RAB2A: variants seen among roughly 807,000 people sequenced by gnomAD.
The protein encoded by RAB2A is ras-related protein Rab-2A.
In RAB2A, 7 loss-of-function variants were observed where a neutral mutation model predicts 32.5. The ratio of observed to expected loss-of-function variants is 0.22; its 90% CI spans 0.12 to 0.40. RAB2A has a LOEUF of 0.40. Among genes scored for constraint, RAB2A ranks in the 10% least tolerant of loss-of-function variants. The pLI is 1.00. For synonymous variants in RAB2A, 79 were observed against 85.2 expected, an observed-to-expected ratio of 0.93 and a Z score of 0.40; for missense variants, 108 against 260.7, an observed-to-expected ratio of 0.41 and a Z score of 4.03.
At chr8:60,549,363 T>C (rs1292300568) in intron 1 of RAB2A, among the ~76,000 whole-genome samples, 1 of 152,000 alleles carries the variant, frequency 6.6e-6, no homozygotes, top group Non-Finnish European at 1.5e-5. Flanking sequence ...GAGCACTGAG[T>C]GAACGAGACT....
rs774954542 is a variant in RAB2A at position 60,623,492 on chromosome 8, C to A, written c.*2723C>A. 15 of 152,112 alleles carry A rather than the reference C, an allele frequency of 9.9e-5. No individual in the cohort carries two copies. The highest frequency in any genetic ancestry group is 1.9e-4 in the Non-Finnish European group (13 of 68,028). 9.4% of individuals were successfully genotyped at this position (152,112 alleles called of 1,614,324 possible). ...GTTTGACTATATGAGCTAAAAGATA[C>A]ACAAAGAGATAACGCTGTTTCATAA... On this transcript the variant is annotated 3_prime_UTR_variant, in exon 8 of 8. Transcript: ENST00000262646.
intron 6 of RAB2A, among the ~76,000 whole-genome samples, chr8:60,601,338 TTTTC>T (rs1289816878): frequency 6.6e-6 from 1 of 152,162 alleles, no homozygotes; most frequent in Non-Finnish European, 1.5e-5. Context: ...ATAGACTTTA[TTTTC>T]TTTCTTTTTT....
chr8:60,614,891 T>A (rs1804423678), intron 6 of RAB2A, among the ~76,000 whole-genome samples: 1 of 152,136 alleles, frequency 6.6e-6, no homozygotes, highest in Admixed American at 6.6e-5. Flanking sequence ...GAGGCAGGCT[T>A]CTTTTACTGC....
At chr8:60,612,624 A>G (rs1804370756) in intron 6 of RAB2A, among the ~76,000 whole-genome samples, 2 of 152,244 alleles carry the variant, frequency 1.3e-5, no homozygotes, top group African/African-American at 4.8e-5. Flanking sequence ...TGAGAAGACT[A>G]TTAGATTCTA....
intron 3 of RAB2A, among the ~76,000 whole-genome samples, chr8:60,574,737 C>T (rs1041579636): frequency 1.3e-5 from 2 of 151,836 alleles, no homozygotes; most frequent in African/African-American, 4.8e-5. Context: ...TTTGTTTTTG[C>T]TTGAGTTGAT....
At chr8:60,590,481 T>TAA (rs1372926801) in intron 5 of RAB2A, among the ~76,000 whole-genome samples, 1 of 130,266 alleles carries the variant, frequency 7.7e-6, no homozygotes, top group Non-Finnish European at 1.7e-5. Flanking sequence ...CTGAAAAAAT[T>TAA]AAAAAAAAAA....
intron 1 of RAB2A, among the ~76,000 whole-genome samples, chr8:60,536,210 A>G (rs1807554260): frequency 6.6e-6 from 1 of 152,208 alleles, no homozygotes; most frequent in Admixed American, 6.5e-5. Context: ...GCTAACCAAC[A>G]TTAATTGTGT....
chr8:60,597,039 A>C (rs941191494), intron 6 of RAB2A, among the ~76,000 whole-genome samples: 3 of 152,212 alleles, frequency 2.0e-5, no homozygotes, highest in Admixed American at 1.3e-4. Context: ...CAGTGTGGCA[A>C]TTCCTCAAGG....
At chr8:60,520,083 T>G (rs908901243) in intron 1 of RAB2A, among the ~76,000 whole-genome samples, 4 of 152,226 alleles carry the variant, frequency 2.6e-5, no homozygotes, top group Non-Finnish European at 5.9e-5. Flanking sequence ...TTTCCCTGTT[T>G]CCGTAACCTA....
At chr8:60,614,965 C>A (rs1484852909) in intron 6 of RAB2A, among the ~76,000 whole-genome samples, 1 of 152,218 alleles carries the variant, frequency 6.6e-6, no homozygotes, top group African/African-American at 2.4e-5. Context: ...GCAGAGAAAT[C>A]TGTTTATACT....
In RAB2A at chr8:60,623,162, C is replaced by T. The variant is rs1804556269; in HGVS notation, c.*2393C>T. 6.6e-6 allele frequency: 1 copy of T among 152,122 alleles called. No homozygotes were observed. Among genetic ancestry groups the T allele is most frequent in the South Asian group, 2.1e-4 (1 of 4,826 alleles). 9.4% of individuals were successfully genotyped at this position (152,122 alleles called of 1,614,324 possible). A position where few individuals can be genotyped will look rare whatever the true frequency, so the allele number is the denominator to read the frequency against. ...TACCATTCGTCTTGCAAATTTAAGA[C>T]AACTGAATGAAAAGCCAATTTTTTG... On this transcript the variant is annotated 3_prime_UTR_variant, in exon 8 of 8. Transcript: ENST00000262646.
chr8:60,608,488 C>T (rs1024826633), intron 6 of RAB2A, among the ~76,000 whole-genome samples: 1 of 72,210 alleles, frequency 1.4e-5, no homozygotes, highest in African/African-American at 9.1e-5. Context: ...TCTCCCTCTT[C>T]CTCTCCTTCT....
At chr8:60,558,755 C>T in intron 1 of RAB2A, 97 bp from the exon 2 acceptor site, 1 of 964,886 alleles carries the variant, frequency 1.0e-6, no homozygotes, top group Non-Finnish European at 1.7e-6. Flanking sequence ...ATTCACAGTG[C>T]ACCAGAAACC....
chr8:60,516,952 C>A, upstream of RAB2A: 1 of 380,220 alleles, frequency 2.6e-6, no homozygotes, highest in Non-Finnish European at 4.7e-6. Flanking sequence ...TCCGGGTCGG[C>A]GCGGAGGCGG....
intron 1 of RAB2A, among the ~76,000 whole-genome samples, chr8:60,530,912 G>C (rs1807467792): frequency 6.6e-6 from 1 of 152,118 alleles, no homozygotes; most frequent in Admixed American, 6.5e-5. Context: ...GGCCAGTAGA[G>C]AGATTACTGA....
At chr8:60,610,617 A>G (rs749420112) in intron 6 of RAB2A, among the ~76,000 whole-genome samples, 1 of 152,156 alleles carries the variant, frequency 6.6e-6, no homozygotes, top group African/African-American at 2.4e-5. Flanking sequence ...ATAAATATTT[A>G]CCACTCTCCT....
intron 3 of RAB2A, among the ~76,000 whole-genome samples, chr8:60,579,526 A>G (rs901019206): frequency 6.6e-6 from 1 of 152,210 alleles, no homozygotes; most frequent in African/African-American, 2.4e-5. Context: ...TTACTATTAA[A>G]TACAAAGAAT....
At chr8:60,595,326 G>T (rs868195580) in intron 6 of RAB2A, among the ~76,000 whole-genome samples, 1 of 152,108 alleles carries the variant, frequency 6.6e-6, no homozygotes, top group Non-Finnish European at 1.5e-5. Context: ...GGGAATAAAG[G>T]GATTTGATTA....
intron 6 of RAB2A, among the ~76,000 whole-genome samples, chr8:60,617,926 C>G (rs1332990115): frequency 6.6e-6 from 1 of 152,192 alleles, no homozygotes; most frequent in Non-Finnish European, 1.5e-5. Flanking sequence ...CTTTCTGTCT[C>G]CATGGATTTG....
Sources: allele counts gnomAD v4.1 joint callset (sites outside exome capture counted in the v4.1 genomes callset), GRCh38; gene constraint gnomAD v4.1.1; transcripts MANE v1.5; gene names NCBI Gene and HGNC (gene_info 2026-07-23, HGNC 2026-07-21).